Variants in PRKD1 observed in about 807,000 individuals in gnomAD.
PRKD1 encodes protein kinase D1, also known as serine/threonine-protein kinase D1.
PRKD1 carries 63 observed loss-of-function variants against 95.9 expected under a neutral mutation model. That is an observed-to-expected ratio of 0.66 (90% CI 0.54 to 0.81). PRKD1 has a LOEUF of 0.81. Among genes scored for constraint, PRKD1 ranks in the 30% least tolerant of loss-of-function variants. The pLI is 0.00. For synonymous variants in PRKD1, 425 were observed against 423.1 expected, an observed-to-expected ratio of 1.00 and a Z score of -0.05; for missense variants, 1,048 against 1,165.3, an observed-to-expected ratio of 0.90 and a Z score of 1.47.
In PRKD1 at chr14:29,753,370, G is replaced by C. The variant is rs10148695; in HGVS notation, c.265-27696C>G. ...CACATTTTTGGTGCCCCAGTCCTTG[G>C]GTGGCTCTATATGTGACAGTAACTC... On this transcript the variant is annotated intron_variant, in intron 1 of 17. Transcript: ENST00000331968. Among the ~76,000 whole-genome samples, 812 of 152,092 alleles carry C rather than the reference G, an allele frequency of 5.3e-3. 11 individuals carry two copies. The highest frequency in any genetic ancestry group is 0.017 in the African/African-American group (701 of 41,486).
At chr14:29,789,383 T>C (rs1889431341) in intron 1 of PRKD1, among the ~76,000 whole-genome samples, 1 of 152,248 alleles carries the variant, frequency 6.6e-6, no homozygotes, top group Non-Finnish European at 1.5e-5. Flanking sequence ...ATTTTATGGA[T>C]GGCTTTTTGG....
intron 2 of PRKD1, among the ~76,000 whole-genome samples, chr14:29,697,356 A>G (rs1210644173): frequency 1.3e-5 from 2 of 152,202 alleles, no homozygotes; most frequent in African/African-American, 4.8e-5. Flanking sequence ...CAGAGAGCAA[A>G]TAACAGCATT....
intron 13 of PRKD1, among the ~76,000 whole-genome samples, chr14:29,601,939 T>C (rs1468163042): frequency 6.6e-6 from 1 of 152,242 alleles, no homozygotes; most frequent in Non-Finnish European, 1.5e-5. Context: ...AAGGATTACA[T>C]GAGTTCGGCT....
At chr14:29,663,389 G>T (rs1176676373) in intron 4 of PRKD1, among the ~76,000 whole-genome samples, 1 of 151,840 alleles carries the variant, frequency 6.6e-6, no homozygotes, top group African/African-American at 2.4e-5. Context: ...GTATCTCTCT[G>T]GTTTCCAAAT....
intron 2 of PRKD1, among the ~76,000 whole-genome samples, chr14:29,708,033 C>T (rs149498760): frequency 1.3e-5 from 2 of 152,282 alleles, no homozygotes; most frequent in East Asian, 3.9e-4. Context: ...TTTGGAGGCT[C>T]ACCTTTTATC....
At chr14:29,734,135 C>G (rs1197205513) in intron 1 of PRKD1, among the ~76,000 whole-genome samples, 3 of 144,524 alleles carry the variant, frequency 2.1e-5, no homozygotes, top group African/African-American at 7.7e-5. Context: ...CTCCGCCTCC[C>G]AGGTTCAAGC....
At chr14:29,676,192 T>TTTTTTTTTTTTTTG (rs1566532348) in intron 2 of PRKD1, among the ~76,000 whole-genome samples, 4 of 128,524 alleles carry the variant, frequency 3.1e-5, no homozygotes, top group African/African-American at 6.2e-5. Flanking sequence ...TGTTTTTTTT[T>TTTTTTTTTTTTTTG]TTTTTTTTTT....
intron 1 of PRKD1, among the ~76,000 whole-genome samples, chr14:29,776,707 TG>T (rs1260666026): frequency 1.3e-5 from 2 of 152,150 alleles, no homozygotes; most frequent in African/African-American, 2.4e-5. Context: ...GGAACCAAGT[TG>T]GAAAACACTC....
intron 1 of PRKD1, among the ~76,000 whole-genome samples, chr14:29,750,616 G>GCACACACA (rs1555341358): frequency 6.7e-6 from 1 of 148,362 alleles, no homozygotes; most frequent in Admixed American, 6.7e-5. Flanking sequence ...ATGAACGCGC[G>GCACACACA]CACACACACA....
intron 1 of PRKD1, among the ~76,000 whole-genome samples, chr14:29,786,780 CA>C (rs949373392): frequency 6.6e-6 from 1 of 151,160 alleles, no homozygotes; most frequent in Non-Finnish European, 1.5e-5. Flanking sequence ...TTTATCTTTT[CA>C]AAAAAAAGCT....
In PRKD1 at chr14:29,809,810, G is replaced by C. The variant is rs139940131; in HGVS notation, c.265-84136C>G. The stretch of plus-strand genomic sequence containing the variant: ...TCTTATCATTTGTGTGTTCACTGGA[G>C]TAGCACTTTTAATTTCCTTCAATAA... On this transcript the variant is annotated intron_variant, in intron 1 of 17. Transcript: ENST00000331968. Among the ~76,000 whole-genome samples the C allele has an allele frequency of 6.3e-3, 958 of 152,314 alleles. 3 individuals are homozygous for C. The highest frequency in any genetic ancestry group is 0.022 in the African/African-American group (899 of 41,566).
At chr14:29,665,331 G>A (rs1452198797) in intron 3 of PRKD1, among the ~76,000 whole-genome samples, 1 of 152,114 alleles carries the variant, frequency 6.6e-6, no homozygotes, top group Non-Finnish European at 1.5e-5. Flanking sequence ...TCACCCAAAT[G>A]GTTTATGTTC....
chr14:29,695,596 A>G (rs1170639407), intron 2 of PRKD1, among the ~76,000 whole-genome samples: 1 of 152,236 alleles, frequency 6.6e-6, no homozygotes, highest in Non-Finnish European at 1.5e-5. Context: ...GGAAGAGCCT[A>G]AGAGCTGCAG....
intron 13 of PRKD1, among the ~76,000 whole-genome samples, chr14:29,603,992 C>T (rs941650475): frequency 3.9e-5 from 6 of 152,038 alleles, no homozygotes; most frequent in Non-Finnish European, 7.4e-5. Context: ...GAGGAAATAT[C>T]GTTTGTAGAT....
intron 1 of PRKD1, among the ~76,000 whole-genome samples, chr14:29,786,456 A>T (rs1594518028): frequency 6.6e-6 from 1 of 152,270 alleles, no homozygotes; most frequent in African/African-American, 2.4e-5. Flanking sequence ...TTCAGCAGTA[A>T]AGCCATCAGG....
intron 13 of PRKD1, among the ~76,000 whole-genome samples, chr14:29,622,165 T>A (rs139558819): frequency 6.6e-6 from 1 of 152,086 alleles, no homozygotes; most frequent in Non-Finnish European, 1.5e-5. Context: ...GGGTTTGCAC[T>A]CCTATGACAA....
intron 1 of PRKD1, among the ~76,000 whole-genome samples, chr14:29,870,728 T>A (rs896503208): frequency 1.3e-5 from 2 of 152,208 alleles, no homozygotes; most frequent in Admixed American, 1.3e-4. Flanking sequence ...CACAGTAATA[T>A]TATGTGTCTA....
intron 2 of PRKD1, among the ~76,000 whole-genome samples, chr14:29,713,129 G>A (rs1311932273): frequency 6.6e-6 from 1 of 152,016 alleles, no homozygotes; most frequent in East Asian, 1.9e-4. Flanking sequence ...TGTGTATACA[G>A]AGAAAGAGAG....
intron 1 of PRKD1, among the ~76,000 whole-genome samples, chr14:29,747,997 G>A (rs1465005661): frequency 3.3e-5 from 5 of 152,042 alleles, no homozygotes; most frequent in African/African-American, 9.7e-5. Context: ...TCCCACCTCC[G>A]CCTCCCAAAG....
Sources: allele counts gnomAD v4.1 joint callset (sites outside exome capture counted in the v4.1 genomes callset), GRCh38; gene constraint gnomAD v4.1.1; transcripts MANE v1.5; gene names NCBI Gene and HGNC (gene_info 2026-07-23, HGNC 2026-07-21).